The following SLC4A4 variants were observed in gnomAD, a reference collection of about 807,000 sequenced individuals.
SLC4A4 encodes solute carrier family 4 member 4.
A neutral mutation model predicts 111.5 loss-of-function variants in SLC4A4; 27 were observed. The observed-to-expected ratio is 0.24, with a 90% CI of 0.18 to 0.33. SLC4A4 has a LOEUF of 0.33. Among genes scored for constraint, SLC4A4 ranks in the 10% least tolerant of loss-of-function variants. The pLI, the probability that SLC4A4 is intolerant of heterozygous loss-of-function variation, is 1.00. For missense variants in SLC4A4, 909 were observed against 1,315.5 expected, an observed-to-expected ratio of 0.69 and a Z score of 4.78; for synonymous variants, 443 against 463.4, an observed-to-expected ratio of 0.96 and a Z score of 0.57.
chr4:71,099,451 G>A (rs77367799), intron 2 of SLC4A4, among the ~76,000 whole-genome samples: 358 of 152,200 alleles, frequency 2.4e-3, no homozygotes, highest in African/African-American at 7.1e-3. Flanking sequence ...AGTGTTAAGC[G>A]GGAAATTCAT....
rs568686356 is a variant in SLC4A4 at position 71,062,991 on chromosome 4, C to T, written c.-65+203C>T. ...GTGCACACACGCAAGTATATATATG[C>T]TCATATATTTTTATAGTATTTTAGA... is the stretch of plus-strand genomic sequence containing the variant. On this transcript the variant is annotated intron_variant, in intron 1 of 26. Transcript: ENST00000649996. Among the ~76,000 whole-genome samples, 6 of 152,110 alleles carry T rather than the reference C, an allele frequency of 3.9e-5. No homozygotes were observed. In the East Asian group the frequency reaches 1.2e-3, roughly 29 times the overall value.
At chr4:71,501,137 A>G (rs1159106864) in intron 16 of SLC4A4, among the ~76,000 whole-genome samples, 3 of 151,970 alleles carry the variant, frequency 2.0e-5, no homozygotes, top group Admixed American at 6.6e-5. Context: ...TCTTTCATCA[A>G]TTCTTTATAA....
At chr4:71,110,167 A>G (rs1215230748) in intron 2 of SLC4A4, among the ~76,000 whole-genome samples, 1 of 152,026 alleles carries the variant, frequency 6.6e-6, no homozygotes, top group Non-Finnish European at 1.5e-5. Flanking sequence ...CTATTCAATC[A>G]TCTTCCCAGC....
chr4:71,567,219 C>A, intron 25 of SLC4A4, 136 bp downstream of exon 25: 1 of 705,092 alleles, frequency 1.4e-6, no homozygotes, highest in Non-Finnish European at 2.4e-6. Flanking sequence ...TACCCAGTGA[C>A]CAAAACTTGT....
intron 7 of SLC4A4, among the ~76,000 whole-genome samples, chr4:71,418,687 T>C (rs1478870752): frequency 6.6e-6 from 1 of 152,248 alleles, no homozygotes; most frequent in Admixed American, 6.5e-5. Context: ...TTCTAGTAAT[T>C]ATCCCAGGGG....
At chr4:71,152,566 T>C (rs1299063137) in intron 2 of SLC4A4, among the ~76,000 whole-genome samples, 2 of 152,214 alleles carry the variant, frequency 1.3e-5, no homozygotes, top group Non-Finnish European at 2.9e-5. Flanking sequence ...TTTACTGGTT[T>C]TACTCTTAAT....
chr4:71,508,411 A>G (rs572775159), intron 16 of SLC4A4, among the ~76,000 whole-genome samples: 87 of 152,260 alleles, frequency 5.7e-4, no homozygotes, highest in African/African-American at 2.0e-3. Flanking sequence ...GGATATCACA[A>G]CTGACCCCAC....
At chr4:71,323,558 G>T (rs1238622379) in intron 3 of SLC4A4, among the ~76,000 whole-genome samples, 1 of 152,036 alleles carries the variant, frequency 6.6e-6, no homozygotes, top group African/African-American at 2.4e-5. Flanking sequence ...ATTTTAACAA[G>T]GCAGATATGC....
chr4:71,544,105 C>T (rs1735300539), intron 18 of SLC4A4, among the ~76,000 whole-genome samples: 1 of 151,958 alleles, frequency 6.6e-6, no homozygotes, highest in Admixed American at 6.6e-5. Context: ...TGAATACATA[C>T]ATAATTTCAG....
Position 71,349,904 on chromosome 4 carries a change from C to T in SLC4A4, c.390-8C>T, listed in dbSNP as rs376741216. 20 of 1,613,990 alleles carry T rather than the reference C, an allele frequency of 1.2e-5. No homozygotes were observed. The African/African-American group carries it at 1.6e-4, about 13-fold the overall frequency. ...TTTAATTGCTCTTCACTAATCTCAT[C>T]TTCCTAGGTGGATCAAGTTTGAAGA... On this transcript the variant is annotated splice_region_variant and splice_polypyrimidine_tract_variant and intron_variant, in intron 4 of 25. Coordinates refer to ENST00000264485, the MANE Select transcript of SLC4A4 (RefSeq NM_001098484.3).
chr4:71,069,309 T>C (rs1447511302), intron 1 of SLC4A4, among the ~76,000 whole-genome samples: 1 of 152,154 alleles, frequency 6.6e-6, no homozygotes, highest in Non-Finnish European at 1.5e-5. Context: ...CTATGGAACA[T>C]GGACATAGAG....
At chr4:71,332,148 G>T (rs1330635527) in intron 3 of SLC4A4, among the ~76,000 whole-genome samples, 3 of 151,518 alleles carry the variant, frequency 2.0e-5, no homozygotes, top group Non-Finnish European at 4.4e-5. Context: ...CTTTTGTATT[G>T]CTTTTTTAAA....
chr4:71,308,155 G>A (rs1430770272), intron 3 of SLC4A4, among the ~76,000 whole-genome samples: 1 of 152,024 alleles, frequency 6.6e-6, no homozygotes, highest in African/African-American at 2.4e-5. Flanking sequence ...CAAGCCAACT[G>A]AAGTCTATAC....
chr4:71,497,183 G>T (rs1730491106), intron 15 of SLC4A4, among the ~76,000 whole-genome samples: 1 of 152,102 alleles, frequency 6.6e-6, no homozygotes, highest in African/African-American at 2.4e-5. Flanking sequence ...ATATTAATGT[G>T]TCTCAGTTTA....
chr4:71,141,992 CTTA>C (rs1459047266), intron 2 of SLC4A4, among the ~76,000 whole-genome samples: 1 of 152,154 alleles, frequency 6.6e-6, no homozygotes, highest in Non-Finnish European at 1.5e-5. Flanking sequence ...TTACTGATAA[CTTA>C]TTATATCCAA....
intron 3 of SLC4A4, among the ~76,000 whole-genome samples, chr4:71,310,865 C>T (rs1726090002): frequency 6.6e-6 from 1 of 152,022 alleles, no homozygotes; most frequent in Non-Finnish European, 1.5e-5. Flanking sequence ...GCTAAGTGCC[C>T]CAAAAGGCAC....
intron 6 of SLC4A4, among the ~76,000 whole-genome samples, chr4:71,381,016 CA>C (rs1334524909): frequency 6.6e-6 from 1 of 152,130 alleles, no homozygotes; most frequent in African/African-American, 2.4e-5. Context: ...CCATTCTTAT[CA>C]ATCCCAGGAA....
chr4:71,170,726 A>T (rs1744910914), intron 2 of SLC4A4, among the ~76,000 whole-genome samples: 1 of 151,984 alleles, frequency 6.6e-6, no homozygotes. Flanking sequence ...TATAAGAAAC[A>T]TATACCAAAA....
At chr4:71,081,617 A>G (rs1204500680) in intron 1 of SLC4A4, among the ~76,000 whole-genome samples, 1 of 152,088 alleles carries the variant, frequency 6.6e-6, no homozygotes, top group Non-Finnish European at 1.5e-5. Flanking sequence ...CTAAAGCACA[A>G]TGAGTTAGAT....
Sources: gnomAD v4.1 joint callset for allele counts (sites outside exome capture counted in the v4.1 genomes callset) on GRCh38, gnomAD v4.1.1 for gene constraint, MANE v1.5 for transcripts, NCBI Gene and HGNC (gene_info 2026-07-23, HGNC 2026-07-21) for gene names.